Variants in IL1A observed in about 807,000 individuals in gnomAD.
The protein encoded by IL1A is interleukin-1 alpha.
IL1A carries 16 observed loss-of-function variants against 22.2 expected under a neutral mutation model. The ratio of observed to expected loss-of-function variants is 0.72; its 90% CI spans 0.49 to 1.09. The LOEUF is 1.09. Ranked by LOEUF, IL1A falls within the 50% of genes least tolerant of loss-of-function variation. IL1A has a pLI of 0.00. For missense variants in IL1A, 317 were observed against 321.8 expected (o/e 0.99, Z 0.11); for synonymous variants, 113 against 118.5 (o/e 0.95, Z 0.30).
rs1229141835 is a variant in IL1A, at chr2:112,781,706, C to A, written c.217G>T (p.Val73Leu). ...SKLTFKESMV[V>L]VATNGKVLKK... ...AGAACCTTCCCGTTGGTTGCTACTA[C>A]CACCATGCTCTCCTTGAAGGTAAGC... The change falls in exon 4 of 7, where the codon GTA (valine) becomes TTA (leucine). Residue 73 changes from valine to leucine, a missense_variant. Coordinates refer to ENST00000263339, the MANE Select transcript of IL1A (RefSeq NM_000575.5). 1 of 1,614,148 alleles carries A rather than the reference C, an allele frequency of 6.2e-7. No individual in the cohort carries two copies. Among genetic ancestry groups the A allele is most frequent in the Non-Finnish European group, 8.5e-7 (1 of 1,179,986 alleles).
rs573106884 is a variant in IL1A, at chr2:112,779,000, C to T, written c.490+496G>A. On this transcript the variant is annotated intron_variant, in intron 5 of 6. Transcript: ENST00000263339. Reference sequence around the variant, plus strand: ...AAGTTTTTGGACACTAAACTTCATCCTTTAAGCCATATTTGTAGCTTATTG... The same window carrying T: ...AAGTTTTTGGACACTAAACTTCATCTTTTAAGCCATATTTGTAGCTTATTG... 5.0e-4 allele frequency among the ~76,000 whole-genome samples: 76 copies of T among 152,276 alleles called. 1 individual carries two copies. Among genetic ancestry groups the T allele is most frequent in the African/African-American group, 1.4e-3 (60 of 41,530 alleles).
At chr2:112,780,010 CT>C (rs1428243538) in intron 4 of IL1A, among the ~76,000 whole-genome samples, 2 of 85,908 alleles carry the variant, frequency 2.3e-5, no homozygotes, top group Non-Finnish European at 5.1e-5. Context: ...AATGAATGCA[CT>C]CTGAGAAAAA....
Position 112,775,237 on chromosome 2 carries a change from C to T in IL1A, c.646G>A (p.Gly216Ser). 6.2e-7 allele frequency: 1 copy of T among 1,614,100 alleles called. No individual in the cohort carries two copies. Residue 216 changes from glycine (G) to serine (S), a missense_variant, in exon 7 of 7, where the codon GGT becomes AGT. By Grantham distance (56) the Gly-to-Ser change is moderately conservative (BLOSUM62 0). Transcript: ENST00000263339. The stretch of plus-strand genomic sequence containing the variant: ...AAGAAGAGGAGGTTGGTCTCACTAC[C>T]TGTGATGGTTTTGGGTATCTCAGGC... ...EMPEIPKTIT[G>S]SETNLLFFWE...
At chr2:112,784,252 G>A (rs994582700) in intron 1 of IL1A, among the ~76,000 whole-genome samples, 191 bp downstream of exon 1, 1 of 152,198 alleles carries the variant, frequency 6.6e-6, no homozygotes, top group Non-Finnish European at 1.5e-5. Context: ...TAACGAATCA[G>A]TCCTTATCAG....
intron 4 of IL1A, 61 bp from the exon 5 acceptor site, chr2:112,779,727 G>A: frequency 8.2e-7 from 1 of 1,221,528 alleles, no homozygotes; most frequent in Non-Finnish European, 1.1e-6. Context: ...GATATACACA[G>A]TCTAGTACAA....
intron 6 of IL1A, among the ~76,000 whole-genome samples, chr2:112,777,667 G>A (rs1335208236): frequency 6.6e-6 from 1 of 152,160 alleles, no homozygotes; most frequent in Non-Finnish European, 1.5e-5. Flanking sequence ...TTGTCCTAAT[G>A]TCTAGTATTG....
chr2:112,773,952 A>G lies in IL1A; in HGVS notation c.*1115T>C, dbSNP rs1332077619. On this transcript the variant is annotated 3_prime_UTR_variant, in exon 7 of 7. Coordinates refer to ENST00000263339, the MANE Select transcript of IL1A (RefSeq NM_000575.5). ...TTGTTGCAAGCTTTATTTAGTTATGACTGATAACACTCTATCAATCACTAT... is the reference window on the plus strand; with the variant it reads ...TTGTTGCAAGCTTTATTTAGTTATGGCTGATAACACTCTATCAATCACTAT... 6.6e-6 allele frequency: 1 copy of G among 152,220 alleles called. No individual in the cohort carries two copies. Among genetic ancestry groups the G allele is most frequent in the Non-Finnish European group, 1.5e-5 (1 of 68,040 alleles). The allele number at this position is 152,220 out of a possible 1,614,324, so 9.4% of individuals were successfully genotyped here. A position where few individuals can be genotyped will look rare whatever the true frequency, so the allele number is the denominator to read the frequency against.
rs763205247 is a variant in IL1A, at chr2:112,775,061, C to G, written c.*6G>C. The G allele has an allele frequency of 6.2e-7, 1 of 1,612,472 alleles. No individual in the cohort carries two copies. Among genetic ancestry groups the G allele is most frequent in the Non-Finnish European group, 8.5e-7 (1 of 1,178,760 alleles). ...CTGCACAAGTGAGACAAGTGAGACT[C>G]CAGACCTACGCCTGGTTTTCCAGTA... On this transcript the variant is annotated 3_prime_UTR_variant, in exon 7 of 7. Transcript: ENST00000263339.
In IL1A at chr2:112,774,155, A is replaced by G. The variant is rs1044797606; in HGVS notation, c.*912T>C. The stretch of plus-strand genomic sequence containing the variant: ...AGGTGGAATTGAAACAAGAATGCCC[A>G]GGTAAGTTTAATGGCAAAAGAGTCA... On this transcript the variant is annotated 3_prime_UTR_variant, in exon 7 of 7. Transcript: ENST00000263339. The G allele has an allele frequency of 2.0e-5, 3 of 151,964 alleles. No homozygotes were observed. Among genetic ancestry groups the G allele is most frequent in the African/African-American group, 7.3e-5 (3 of 41,278 alleles). The allele number at this position is 151,964 out of a possible 1,614,324, so 9.4% of individuals were successfully genotyped here.
In IL1A at chr2:112,779,623, A is replaced by G. The variant is rs111867912; in HGVS notation, c.363T>C (p.Asn121=). ...TGATCCTCATAAAGTTGTATTTCAC[A>G]TTGCTCAGGAAGCTAAAAGGTGCTG... The part of the protein sequence containing the change: ...PRSAPFSFLS[N]VKYNFMRIIK... Residue 121 remains asparagine (N), a synonymous_variant, in exon 5 of 7, where the codon AAT becomes AAC. Transcript: ENST00000263339. 1.9e-6 allele frequency: 3 copies of G among 1,612,216 alleles called. No individual in the cohort carries two copies. The highest frequency in any genetic ancestry group is 1.7e-6 in the Non-Finnish European group (2 of 1,178,390).
chr2:112,775,573 T>C (rs768974133), intron 6 of IL1A, among the ~76,000 whole-genome samples: 8 of 152,210 alleles, frequency 5.3e-5, no homozygotes, highest in Non-Finnish European at 1.0e-4. Flanking sequence ...AGGGAAACAT[T>C]GTTTCTGTCC....
chr2:112,778,899 C>T (rs1403578043), intron 5 of IL1A, among the ~76,000 whole-genome samples: 2 of 152,210 alleles, frequency 1.3e-5, no homozygotes, highest in African/African-American at 4.8e-5. Context: ...GCAAAATTGC[C>T]TCTCTGGACC....
chr2:112,774,556 C>A lies in IL1A; in HGVS notation c.*511G>T, dbSNP rs752430257. On this transcript the variant is annotated 3_prime_UTR_variant, in exon 7 of 7. Coordinates refer to ENST00000263339, the MANE Select transcript of IL1A (RefSeq NM_000575.5). ...CCCTGATTAGCATAAAAAACTGTTG[C>A]GGCAGGAAGGCTTAGGTATTATTCC... 6.6e-6 allele frequency: 1 copy of A among 151,950 alleles called. No homozygotes were observed. The highest frequency in any genetic ancestry group is 1.5e-5 in the Non-Finnish European group (1 of 68,018). The allele number at this position is 151,950 out of a possible 1,614,324, so 9.4% of individuals were successfully genotyped here.
At chr2:112,779,776 C>G in intron 4 of IL1A, 110 bp from the exon 5 acceptor site, 1 of 625,410 alleles carries the variant, frequency 1.6e-6, no homozygotes, top group Non-Finnish European at 2.5e-6. Flanking sequence ...TAGGAATATT[C>G]CAATCCAGAT....
At chr2:112,783,634 G>A in intron 2 of IL1A, 90 bp downstream of exon 2, 1 of 1,065,572 alleles carries the variant, frequency 9.4e-7, no homozygotes, top group Non-Finnish European at 1.5e-6. Context: ...CTGCCGGCCT[G>A]CCCCCATGCT....
intron 2 of IL1A, among the ~76,000 whole-genome samples, 192 bp downstream of exon 2, chr2:112,783,531 TG>T (rs1681250144): frequency 6.6e-6 from 1 of 152,218 alleles, no homozygotes; most frequent in Admixed American, 6.5e-5. Flanking sequence ...TCCCTGCCAA[TG>T]TAATCTCAGT....
Position 112,774,140 on chromosome 2 carries a change from G to GAATA in IL1A, c.*926_*927insTATT, listed in dbSNP as rs1681055165. On this transcript the variant is annotated 3_prime_UTR_variant, in exon 7 of 7. Transcript: ENST00000263339. ...GTAGGACTTGATTGCAGGTGGAATT[G>GAATA]AAACAAGAATGCCCAGGTAAGTTTA... 6.6e-6 allele frequency: 1 copy of GAATA among 151,906 alleles called. No individual in the cohort carries two copies. Among genetic ancestry groups the GAATA allele is most frequent in the Non-Finnish European group, 1.5e-5 (1 of 67,966 alleles). The allele number at this position is 151,906 out of a possible 1,614,324, so 9.4% of individuals were successfully genotyped here.
At chr2:112,784,230 T>C (rs3783526) in intron 1 of IL1A, among the ~76,000 whole-genome samples, 111,182 of 152,208 alleles carry the variant, frequency 0.73, 42,148 homozygotes, top group African/African-American at 0.91. Flanking sequence ...CTAGTTCTGC[T>C]GTCCCTCAGT....
At chr2:112,781,319 C>T (rs1221834745) in intron 4 of IL1A, among the ~76,000 whole-genome samples, 1 of 152,078 alleles carries the variant, frequency 6.6e-6, no homozygotes. Flanking sequence ...GAACATAGCT[C>T]GTAAGTGGTC....
Sources: allele counts gnomAD v4.1 joint callset (sites outside exome capture counted in the v4.1 genomes callset), GRCh38; gene constraint gnomAD v4.1.1; transcripts MANE v1.5; gene names NCBI Gene and HGNC (gene_info 2026-07-23, HGNC 2026-07-21).